The following ARHGAP6 variants were observed in gnomAD, a reference collection of about 807,000 sequenced individuals.
The protein encoded by ARHGAP6 is rho GTPase-activating protein 6.
Under a neutral mutation model 55.7 loss-of-function variants are expected in ARHGAP6, and 16 were observed. That is an observed-to-expected ratio of 0.29 (90% confidence interval 0.19 to 0.44). The LOEUF (loss-of-function observed/expected upper bound fraction) is 0.44, where lower values mean the gene tolerates loss of function less well. ARHGAP6 is among the 20% of genes least tolerant of loss of function. The pLI, the probability that ARHGAP6 is intolerant of heterozygous loss-of-function variation, is 1.00. For synonymous variants in ARHGAP6, 382 were observed against 360.9 expected (o/e 1.06, Z -0.66); for missense variants, 698 against 808.9 (o/e 0.86, Z 1.66).
intron 1 of ARHGAP6, among the ~76,000 whole-genome samples, chrX:11,585,292 T>A (rs184866157): frequency 7.2e-4 from 81 of 112,473 alleles, no homozygotes; most frequent in African/African-American, 2.3e-3. Context: ...TTTGGGTATA[T>A]AGCCAGTACT....
chrX:11,619,944 C>T (rs2052209308), intron 1 of ARHGAP6, among the ~76,000 whole-genome samples: 1 of 112,127 alleles, frequency 8.9e-6, no homozygotes, highest in Admixed American at 9.5e-5. Flanking sequence ...TCACAGTCTT[C>T]ACTGTCCCTC....
intron 8 of ARHGAP6, among the ~76,000 whole-genome samples, chrX:11,176,954 G>C (rs1488189003): frequency 8.9e-6 from 1 of 112,175 alleles, no homozygotes; most frequent in Non-Finnish European, 1.9e-5. Flanking sequence ...TTCTGGATTA[G>C]AGTGAAAAAA....
intron 1 of ARHGAP6, among the ~76,000 whole-genome samples, chrX:11,295,150 C>A (rs1661721963): frequency 2.7e-5 from 3 of 111,914 alleles, no homozygotes; most frequent in Admixed American, 9.4e-5. Context: ...ATGGAGGAAG[C>A]TTTTGGAAGG....
At chrX:11,163,663 T>C (rs1229308907) in intron 9 of ARHGAP6, among the ~76,000 whole-genome samples, 3 of 112,653 alleles carry the variant, frequency 2.7e-5, no homozygotes, top group Non-Finnish European at 5.6e-5. Flanking sequence ...AGGCCCAGCT[T>C]AGAACCTTTG....
intron 1 of ARHGAP6, among the ~76,000 whole-genome samples, chrX:11,548,605 C>A (rs2051234934): frequency 1.0e-5 from 1 of 98,150 alleles, no homozygotes; most frequent in African/African-American, 4.0e-5. Flanking sequence ...TTTCTTATGG[C>A]TGAAAAGTAT....
At chrX:11,348,778 C>T (rs5935020) in intron 1 of ARHGAP6, among the ~76,000 whole-genome samples, 6,631 of 110,826 alleles carry the variant, frequency 0.06, 219 homozygotes, top group African/African-American at 0.12. Context: ...GCCTCCCAAA[C>T]TGCTAGGACT....
intron 1 of ARHGAP6, among the ~76,000 whole-genome samples, chrX:11,269,113 T>C (rs970850396): frequency 1.8e-5 from 2 of 111,552 alleles, no homozygotes; most frequent in Admixed American, 9.5e-5. Context: ...GAATGACAAA[T>C]AGACTTATGT....
intron 1 of ARHGAP6, among the ~76,000 whole-genome samples, chrX:11,556,652 G>A (rs1487913346): frequency 5.4e-5 from 6 of 112,146 alleles, no homozygotes; most frequent in African/African-American, 1.9e-4. Context: ...ACAGGAAAGA[G>A]GTTACTATTA....
intron 1 of ARHGAP6, among the ~76,000 whole-genome samples, chrX:11,631,397 C>T (rs764403617): frequency 4.6e-4 from 50 of 109,707 alleles, no homozygotes; most frequent in Non-Finnish European, 7.0e-4. Flanking sequence ...TGGTGGCAGG[C>T]GCCTGTAATC....
At chrX:11,519,139 G>A (rs1234236174) in intron 1 of ARHGAP6, among the ~76,000 whole-genome samples, 7 of 94,517 alleles carry the variant, frequency 7.4e-5, no homozygotes, top group Admixed American at 2.4e-4. Context: ...TAGTCCTTTG[G>A]GTATATACCC....
chrX:11,168,109 A>G (rs1399326598), intron 9 of ARHGAP6, among the ~76,000 whole-genome samples: 1 of 111,735 alleles, frequency 8.9e-6, no homozygotes, highest in Non-Finnish European at 1.9e-5. Flanking sequence ...GACAAGATGG[A>G]TGACCTTTCT....
intron 1 of ARHGAP6, among the ~76,000 whole-genome samples, chrX:11,383,454 C>T (rs2049286502): frequency 9.0e-6 from 1 of 111,205 alleles, no homozygotes; most frequent in South Asian, 3.8e-4. Flanking sequence ...CCCCTTCTCT[C>T]TCCCATCACT....
At chrX:11,191,858 G>C (rs928706124) in intron 3 of ARHGAP6, among the ~76,000 whole-genome samples, 1 of 111,519 alleles carries the variant, frequency 9.0e-6, no homozygotes, top group Non-Finnish European at 1.9e-5. Context: ...TTGCATCCTG[G>C]ATATACTAAC....
chrX:11,458,200 A>G (rs1169735010), intron 1 of ARHGAP6, among the ~76,000 whole-genome samples: 1 of 112,567 alleles, frequency 8.9e-6, no homozygotes, highest in Non-Finnish European at 1.9e-5. Flanking sequence ...AAAGCAAGAT[A>G]ATCCTAAATT....
intron 1 of ARHGAP6, among the ~76,000 whole-genome samples, chrX:11,325,016 GC>G (rs1405522978): frequency 9.0e-6 from 1 of 110,671 alleles, no homozygotes; most frequent in Non-Finnish European, 1.9e-5. Flanking sequence ...CCGCCACCGC[GC>G]CCGGCTAATT....
At chrX:11,464,764 A>G (rs2050277406) in intron 1 of ARHGAP6, among the ~76,000 whole-genome samples, 1 of 112,333 alleles carries the variant, frequency 8.9e-6, no homozygotes, top group East Asian at 2.8e-4. Context: ...CAACACCAAC[A>G]TTTATGAAAA....
At chrX:11,428,545 G>A (rs896845012) in intron 1 of ARHGAP6, among the ~76,000 whole-genome samples, 1 of 112,048 alleles carries the variant, frequency 8.9e-6, no homozygotes, top group Non-Finnish European at 1.9e-5. Flanking sequence ...GGCCAGGCCT[G>A]GGGCCAGAGT....
rs2045574957 is a variant in ARHGAP6, at chrX:11,138,492, CAT to C, written c.*369_*370del. The C allele has an allele frequency of 6.0e-6, 1 of 167,019 alleles. No homozygotes were observed. The highest frequency in any genetic ancestry group is 3.1e-5 in the African/African-American group (1 of 32,022). The allele number at this position is 167,019 out of a possible 1,213,427, so 13.8% of individuals were successfully genotyped here. ...TTTTGTTTTCTCTTTGTGAATATAT[CAT>C]ATATGATTATACATAATCTGTTACA... On this transcript the variant is annotated 3_prime_UTR_variant, in exon 13 of 13. Transcript: ENST00000337414.
At chrX:11,434,265 G>A (rs1004661414) in intron 1 of ARHGAP6, among the ~76,000 whole-genome samples, 2 of 111,938 alleles carry the variant, frequency 1.8e-5, no homozygotes, top group African/African-American at 6.5e-5. Flanking sequence ...TTTCCACTTA[G>A]CAGTACCTCT....
Sources: allele counts gnomAD v4.1 joint callset (sites outside exome capture counted in the v4.1 genomes callset), GRCh38; gene constraint gnomAD v4.1.1; transcripts MANE v1.5; gene names NCBI Gene and HGNC (gene_info 2026-07-23, HGNC 2026-07-21).